YJEFN3: variants seen among roughly 807,000 people sequenced by gnomAD.
YJEFN3 encodes the protein YjeF N-terminal domain containing 3.
Under a neutral mutation model 31.5 loss-of-function variants are expected in YJEFN3, and 29 were observed. That is an observed-to-expected ratio of 0.92 (90% CI 0.69 to 1.26). The LOEUF is 1.26. Among genes scored for constraint, YJEFN3 ranks in the 50% most tolerant of loss-of-function variants. The pLI is 0.00. For synonymous variants in YJEFN3, 227 were observed against 196.1 expected (o/e 1.16, Z -1.32); for missense variants, 442 against 425.4 (o/e 1.04, Z -0.34).
chr19:19,531,088 C>T (rs904552691), intron 2 of YJEFN3, among the ~76,000 whole-genome samples: 2 of 152,234 alleles, frequency 1.3e-5, no homozygotes, highest in Admixed American at 1.3e-4. Flanking sequence ...AGGAAGCCCT[C>T]GCTGACTCCC....
chr19:19,534,257 A>G lies in YJEFN3; in HGVS notation c.319-777A>G. 2.5e-6 allele frequency: 2 copies of G among 787,684 alleles called. No homozygotes were observed. The highest frequency in any genetic ancestry group is 3.0e-6 in the Non-Finnish European group (2 of 665,248). The allele number at this position is 787,684 out of a possible 1,614,324, so 48.8% of individuals were successfully genotyped here. ...GAGACAGCCAGAGACAAATGGAGAG[A>G]GAGACAAATGGAGAAAGAGAGCCAG... is the stretch of plus-strand genomic sequence containing the variant. On this transcript the variant is annotated intron_variant, in intron 3 of 6. Transcript: ENST00000514277. The surrounding 1 kb of genome is among the most constrained non-coding windows in gnomAD (Gnocchi z 4.6).
chr19:19,529,958 G>A (rs1339088868), intron 2 of YJEFN3, among the ~76,000 whole-genome samples: 2 of 152,182 alleles, frequency 1.3e-5, no homozygotes, highest in African/African-American at 2.4e-5. Flanking sequence ...TCTGGTGTTC[G>A]AGTTTTCAAA....
rs1234548682 is a variant in YJEFN3, at chr19:19,537,453, G to C, written c.829G>C (p.Asp277His). Residue 277 changes from aspartate (D) to histidine (H), a missense_variant, in exon 7 of 7, where the codon GAT becomes CAT. Coordinates refer to ENST00000514277, the MANE Select transcript of YJEFN3 (RefSeq NM_198537.4). The stretch of plus-strand genomic sequence containing the variant: ...CTTCGTGGCCGGCAGGTTCGTGCCC[G>C]ATGACGTGCGCCGCAAGTTCGCTCT... The part of the protein sequence containing the change: ...HHFVAGRFVP[D>H]DVRRKFALRL... 6.3e-7 allele frequency: 1 copy of C among 1,586,978 alleles called. No individual in the cohort carries two copies. The highest frequency in any genetic ancestry group is 1.3e-5 in the African/African-American group (1 of 74,606).
chr19:19,534,209 G>C lies in YJEFN3; in HGVS notation c.319-825G>C, dbSNP rs986272132. ...AGAGATGGCCAGAGACAGATGGAGA[G>C]AGACAGATAACAGAGAGATACAGAG... On this transcript the variant is annotated intron_variant, in intron 3 of 6. Coordinates refer to ENST00000514277, the MANE Select transcript of YJEFN3 (RefSeq NM_198537.4). This position sits in a 1 kb window ranked among gnomAD's most constrained non-coding sequence, Gnocchi z 4.6. 1 of 972,246 alleles carries C rather than the reference G, an allele frequency of 1.0e-6. No homozygotes were observed. Among genetic ancestry groups the C allele is most frequent in the East Asian group, 1.1e-4 (1 of 8,768 alleles). The allele number at this position is 972,246 out of a possible 1,614,324, so 60.2% of individuals were successfully genotyped here.
At chr19:19,537,219 T>C (rs1464894972) in intron 6 of YJEFN3, 100 bp from the exon 7 acceptor site, 1 of 1,096,556 alleles carries the variant, frequency 9.1e-7, no homozygotes, top group East Asian at 2.6e-5. Context: ...AGAGGCTCAG[T>C]GTTGGAGGGG....
intron 6 of YJEFN3, among the ~76,000 whole-genome samples, chr19:19,536,436 T>G (rs1394796006): frequency 6.6e-6 from 1 of 152,026 alleles, no homozygotes; most frequent in Non-Finnish European, 1.5e-5. Context: ...ATCCCAGCAC[T>G]TTGGGAGGTC....
chr19:19,529,345 C>CA lies in YJEFN3; in HGVS notation c.60-18dup. 1.2e-6 allele frequency: 2 copies of CA among 1,600,940 alleles called. No individual in the cohort carries two copies. The highest frequency in any genetic ancestry group is 1.7e-6 in the Non-Finnish European group (2 of 1,173,962). ...CCGAACCCCAACCGTGGCCCACCCC[C>CA]ACTCTCCATCTCTCCCAGGGCCTTG... On this transcript the variant is annotated intron_variant, in intron 1 of 6. Transcript: ENST00000514277.
chr19:19,532,484 C>G, intron 2 of YJEFN3, 148 bp from the exon 3 acceptor site: 1 of 504,020 alleles, frequency 2.0e-6, no homozygotes, highest in South Asian at 3.1e-5. Context: ...GAGGGCATCC[C>G]CAGCTCAAGG....
chr19:19,529,088 G>C (rs1417170054), intron 1 of YJEFN3, 97 bp downstream of exon 1: 1 of 1,507,146 alleles, frequency 6.6e-7, no homozygotes, highest in African/African-American at 1.4e-5. Flanking sequence ...GGGACAGAAT[G>C]GGGTCCGGGG....
At chr19:19,536,535 T>TGGG (rs1389732007) in intron 6 of YJEFN3, among the ~76,000 whole-genome samples, 1 of 151,354 alleles carries the variant, frequency 6.6e-6, no homozygotes, top group Non-Finnish European at 1.5e-5. Context: ...AAACATTTGC[T>TGGG]GGGTGTAGTG....
chr19:19,537,006 C>T (rs1031975025), intron 6 of YJEFN3, among the ~76,000 whole-genome samples: 1 of 152,102 alleles, frequency 6.6e-6, no homozygotes, highest in African/African-American at 2.4e-5. Context: ...AGGATAGGAG[C>T]AGAAGCAGAA....
intron 2 of YJEFN3, 67 bp from the exon 3 acceptor site, chr19:19,532,565 A>G: frequency 1.8e-6 from 2 of 1,136,788 alleles, no homozygotes; most frequent in East Asian, 3.0e-5. Context: ...TTGGCGGAAC[A>G]TTTCTGGCTC....
At position 19,534,081 on chromosome 19, in the gene YJEFN3, T is replaced by G; in HGVS notation, c.319-953T>G. On this transcript the variant is annotated intron_variant, in intron 3 of 6. Coordinates refer to ENST00000514277, the MANE Select transcript of YJEFN3 (RefSeq NM_198537.4). The surrounding 1 kb of genome is among the most constrained non-coding windows in gnomAD (Gnocchi z 4.6). ...CAGGCGGTGGCACTGTCATCGCATT[T>G]GATAAAGGCCAAACTGAGTCTGGGA... The G allele has an allele frequency of 1.0e-6, 1 of 985,570 alleles. No individual in the cohort carries two copies. The highest frequency in any genetic ancestry group is 1.2e-6 in the Non-Finnish European group (1 of 829,998). The allele number at this position is 985,570 out of a possible 1,614,324, so 61.1% of individuals were successfully genotyped here.
chr19:19,532,679 G>T lies in YJEFN3; in HGVS notation c.257G>T (p.Arg86Leu), dbSNP rs749298745. The change falls in exon 3 of 7, where the codon CGC (arginine) becomes CTC (leucine). Residue 86 changes from arginine (R) to leucine (L), a missense_variant. Physicochemically the swap from Arg to Leu is moderately radical, Grantham distance 102 (BLOSUM62 -2). Coordinates refer to ENST00000514277, the MANE Select transcript of YJEFN3 (RefSeq NM_198537.4). ...ALERELLEDY[R>L]FGRQQLVELC... ...GAGCGGGAGCTGCTGGAGGATTATC[G>T]CTTTGGGCGGCAGCAGCTCGTGGAG... 6.3e-7 allele frequency: 1 copy of T among 1,575,508 alleles called. No individual in the cohort carries two copies. The highest frequency in any genetic ancestry group is 2.3e-5 in the East Asian group (1 of 42,954).
At chr19:19,529,105 G>C in intron 1 of YJEFN3, 114 bp downstream of exon 1, 1 of 1,489,876 alleles carries the variant, frequency 6.7e-7, no homozygotes, top group Non-Finnish European at 9.0e-7. Flanking sequence ...GGGGACTGGA[G>C]ACGGGCACAG....
At chr19:19,532,365 C>T (rs1253202200) in intron 2 of YJEFN3, among the ~76,000 whole-genome samples, 1 of 152,232 alleles carries the variant, frequency 6.6e-6, no homozygotes, top group African/African-American at 2.4e-5. Context: ...AGAACCAACG[C>T]GCGGCCAGCG....
At chr19:19,535,941 T>C in intron 6 of YJEFN3, 1 of 590,320 alleles carries the variant, frequency 1.7e-6, no homozygotes, top group East Asian at 2.9e-5. Flanking sequence ...CCCAGTTGCC[T>C]GGGCAGACGT....
rs1839996458 is a variant in YJEFN3, at chr19:19,534,953, C to T, written c.319-81C>T. 2.4e-6 allele frequency: 3 copies of T among 1,272,418 alleles called. No homozygotes were observed. The highest frequency in any genetic ancestry group is 3.0e-5 in the African/African-American group (2 of 67,018). 78.8% of individuals were successfully genotyped at this position (1,272,418 alleles called of 1,614,324 possible). ...CCAGGCCCAAGCCCCATCCCTTCCC[C>T]TACTCCGGGCCTCAGTTTCCTCTCC... On this transcript the variant is annotated intron_variant, in intron 3 of 6. Coordinates refer to ENST00000514277, the MANE Select transcript of YJEFN3 (RefSeq NM_198537.4). This position sits in a 1 kb window ranked among gnomAD's most constrained non-coding sequence, Gnocchi z 4.6.
intron 2 of YJEFN3, among the ~76,000 whole-genome samples, chr19:19,531,216 C>T (rs2061152743): frequency 6.6e-6 from 1 of 152,304 alleles, no homozygotes; most frequent in Admixed American, 6.5e-5. Flanking sequence ...TCTCAGGATT[C>T]ATCCCCTCAA....
Sources: gnomAD v4.1 joint callset for allele counts (sites outside exome capture counted in the v4.1 genomes callset) on GRCh38, gnomAD v4.1.1 for gene constraint, Gnocchi (gnomAD v3.1) non-coding constraint, MANE v1.5 for transcripts, NCBI Gene and HGNC (gene_info 2026-07-23, HGNC 2026-07-21) for gene names.